The following DIMT1 variants were observed in gnomAD, a reference collection of about 807,000 sequenced individuals.
The protein encoded by DIMT1 is dimethyladenosine transferase.
Under a neutral mutation model 43.2 loss-of-function variants are expected in DIMT1, and 36 were observed. That is an observed-to-expected ratio of 0.83 (90% CI 0.64 to 1.10). The LOEUF is 1.10. DIMT1 is among the 50% of genes least tolerant of loss of function. DIMT1 has a pLI of 0.00. For missense variants in DIMT1, 341 were observed against 385.3 expected, an observed-to-expected ratio of 0.88 and a Z score of 0.96; for synonymous variants, 126 against 130.3, an observed-to-expected ratio of 0.97 and a Z score of 0.22.
chr5:62,403,235 AAACC>A, intron 2 of DIMT1, 34 bp downstream of exon 2: 1 of 1,580,444 alleles, frequency 6.3e-7, no homozygotes, highest in Non-Finnish European at 8.7e-7. Flanking sequence ...TAAAATTAAT[AAACC>A]AACAACTCTC....
At position 62,390,901 on chromosome 5, in the gene DIMT1, A is replaced by C. The variant is rs1360388407; in HGVS notation, c.874T>G (p.Ser292Ala). ...STGFSDKRAR[S>A]MDIDDFIRLL... ...CTGATGAAGTCATCTATGTCCATGG[A>C]ACGGGCCCGTTTGTCACTAAAACCT... The change falls in exon 11 of 12, where the codon TCC becomes GCC. Residue 292 changes from serine (S) to alanine (A), a missense_variant. Ser to Ala is a moderately conservative substitution (Grantham distance 99). Transcript: ENST00000199320. 1 of 1,611,920 alleles carries C rather than the reference A, an allele frequency of 6.2e-7. No homozygotes were observed. Among genetic ancestry groups the C allele is most frequent in the African/African-American group, 1.3e-5 (1 of 74,852 alleles).
chr5:62,400,246 T>G (rs1029426979), intron 3 of DIMT1, among the ~76,000 whole-genome samples: 1 of 152,094 alleles, frequency 6.6e-6, no homozygotes, highest in African/African-American at 2.4e-5. Flanking sequence ...TTATTTTTAT[T>G]AAAAAATAAT....
intron 3 of DIMT1, 91 bp from the exon 4 acceptor site, chr5:62,398,972 T>C: frequency 2.0e-6 from 2 of 1,011,120 alleles, no homozygotes; most frequent in Non-Finnish European, 1.5e-6. Context: ...ATGATTTATG[T>C]GACAAACTTC....
At chr5:62,403,380 TA>T (rs768226152) in intron 1 of DIMT1, 34 bp from the exon 2 acceptor site, 1 of 1,595,766 alleles carries the variant, frequency 6.3e-7, no homozygotes, top group Non-Finnish European at 8.6e-7. Context: ...TTAATTTTCC[TA>T]CTGAGATTAG....
intron 7 of DIMT1, 59 bp downstream of exon 7, chr5:62,394,425 T>TG: frequency 1.3e-6 from 2 of 1,582,668 alleles, no homozygotes; most frequent in Non-Finnish European, 1.7e-6. Flanking sequence ...CACTGCAGCC[T>TG]GGGTGACAGA....
At position 62,387,616 on chromosome 5, in the gene DIMT1, T is replaced by C. The variant is rs1001668736; in HGVS notation, c.*1394A>G. 6.6e-6 allele frequency: 1 copy of C among 152,072 alleles called. No homozygotes were observed. Among genetic ancestry groups the C allele is most frequent in the African/African-American group, 2.4e-5 (1 of 41,414 alleles). The allele number at this position is 152,072 out of a possible 1,614,324, so 9.4% of individuals were successfully genotyped here. On this transcript the variant is annotated 3_prime_UTR_variant, in exon 12 of 12. Coordinates refer to ENST00000199320, the MANE Select transcript of DIMT1 (RefSeq NM_014473.4). Reference sequence around the variant, plus strand: ...GAAAACTGAAGGCCAGAAAAGGAACTAAAACTCAGCAGTTCATAGGGGTAG... The same window carrying C: ...GAAAACTGAAGGCCAGAAAAGGAACCAAAACTCAGCAGTTCATAGGGGTAG...
chr5:62,394,052 T>C lies in DIMT1; in HGVS notation c.571-5A>G. On this transcript the variant is annotated splice_polypyrimidine_tract_variant and splice_region_variant and intron_variant, in intron 7 of 11. Transcript: ENST00000199320. ...TCTGAAGTTATTCTTTCCCACCTGTTAATGAAAAAGTATTTAAGTAGTACT... is the reference window on the plus strand; with the variant it reads ...TCTGAAGTTATTCTTTCCCACCTGTCAATGAAAAAGTATTTAAGTAGTACT... The C allele has an allele frequency of 6.2e-7, 1 of 1,610,074 alleles. No homozygotes were observed. The highest frequency in any genetic ancestry group is 8.5e-7 in the Non-Finnish European group (1 of 1,179,060).
At chr5:62,391,057 G>A (rs1236199857) in intron 10 of DIMT1, 75 bp from the exon 11 acceptor site, 5 of 1,233,028 alleles carry the variant, frequency 4.1e-6, no homozygotes, top group Non-Finnish European at 5.9e-6. Flanking sequence ...TTTTAGTTCA[G>A]TAAGTCATAA....
chr5:62,397,580 T>C (rs182581829), intron 6 of DIMT1, among the ~76,000 whole-genome samples: 44 of 152,340 alleles, frequency 2.9e-4, no homozygotes, highest in African/African-American at 1.0e-3. Context: ...TCTTCAACAT[T>C]GTCTCAGCCC....
chr5:62,391,748 A>G (rs1742311489), intron 10 of DIMT1: 2 of 1,351,348 alleles, frequency 1.5e-6, no homozygotes, highest in Admixed American at 3.4e-5. Flanking sequence ...CTTTATTTCA[A>G]TTTCTATACA....
At position 62,402,101 on chromosome 5, in the gene DIMT1, C is replaced by T; in HGVS notation, c.175G>A (p.Val59Ile). ...IDKAALRPTD[V>I]VLEVGPGTGN... is the part of the protein sequence containing the mutation. ...GTTCCAGGTCCAACTTCCAGCACTA[C>T]ATCAGTTGGTCTTAAGGCAGCCTAA... is the stretch of plus-strand genomic sequence containing the variant. Residue 59 changes from valine to isoleucine, a missense_variant, in exon 3 of 12, where the codon GTA becomes ATA. Val to Ile is a conservative substitution (Grantham distance 29). Coordinates refer to ENST00000199320, the MANE Select transcript of DIMT1 (RefSeq NM_014473.4). 6.2e-7 allele frequency: 1 copy of T among 1,613,986 alleles called. No homozygotes were observed. The highest frequency in any genetic ancestry group is 8.5e-7 in the Non-Finnish European group (1 of 1,179,932).
chr5:62,389,612 T>C (rs556952054), intron 11 of DIMT1, among the ~76,000 whole-genome samples: 1 of 152,186 alleles, frequency 6.6e-6, no homozygotes, highest in South Asian at 2.1e-4. Context: ...ACTAAAATTA[T>C]CTTAGACTTT....
At position 62,392,166 on chromosome 5, in the gene DIMT1, C is replaced by CT. The variant is rs1742327344; in HGVS notation, c.792+4dup. The CT allele has an allele frequency of 6.2e-7, 1 of 1,611,898 alleles. No homozygotes were observed. Among genetic ancestry groups the CT allele is most frequent in the Non-Finnish European group, 8.5e-7 (1 of 1,179,150 alleles). On this transcript the variant is annotated splice_donor_region_variant and intron_variant, in intron 10 of 11. Coordinates refer to ENST00000199320, the MANE Select transcript of DIMT1 (RefSeq NM_014473.4). Reference sequence around the variant, plus strand: ...ATGAAACTGCAGGAACATTTTCTAACTTACAATATTATGGACTGAACAGTG... The same window carrying CT: ...ATGAAACTGCAGGAACATTTTCTAACTTTACAATATTATGGACTGAACAGTG...
chr5:62,390,978 A>G lies in DIMT1; in HGVS notation c.797T>C (p.Ile266Thr), dbSNP rs1257850050. 1 of 1,612,106 alleles carries G rather than the reference A, an allele frequency of 6.2e-7. No individual in the cohort carries two copies. The highest frequency in any genetic ancestry group is 2.2e-5 in the East Asian group (1 of 44,874). Residue 266 changes from isoleucine to threonine, a missense_variant, in exon 11 of 12, where the codon ATA (isoleucine) becomes ACA (threonine). Coordinates refer to ENST00000199320, the MANE Select transcript of DIMT1 (RefSeq NM_014473.4). ...ATCTGCTATGCTGAAATCTTCTGGT[A>G]TTATCTATCAATATAAGATTCAGAA... ...RIHCSVHNII[I>T]PEDFSIADKI...
rs1258697731 is a variant in DIMT1 at position 62,403,904 on chromosome 5, A to C, written c.-132T>G. The C allele has an allele frequency of 2.2e-6, 2 of 917,466 alleles. No homozygotes were observed. Among genetic ancestry groups the C allele is most frequent in the Non-Finnish European group, 1.6e-6 (1 of 615,134 alleles). 56.8% of individuals were successfully genotyped at this position (917,466 alleles called of 1,614,324 possible). A position where few individuals can be genotyped will look rare whatever the true frequency, so the allele number is the denominator to read the frequency against. ...CTCTGGCCCAAGCGCCGGAGGGGCAAGGGTCCGCCCCCTCCCGTACGCTCT... is the reference window on the plus strand; with the variant it reads ...CTCTGGCCCAAGCGCCGGAGGGGCACGGGTCCGCCCCCTCCCGTACGCTCT... On this transcript the variant is annotated 5_prime_UTR_variant, in exon 1 of 12. Transcript: ENST00000199320.
chr5:62,401,989 T>C, intron 3 of DIMT1, 47 bp downstream of exon 3: 1 of 1,567,828 alleles, frequency 6.4e-7, no homozygotes, highest in Non-Finnish European at 8.8e-7. Flanking sequence ...CAACTGAGCT[T>C]GCTAACATAG....
intron 9 of DIMT1, 106 bp downstream of exon 9, chr5:62,392,820 C>G (rs1561289199): frequency 1.5e-6 from 1 of 660,950 alleles, no homozygotes; most frequent in Non-Finnish European, 2.6e-6. Flanking sequence ...TTGTCTGGAC[C>G]CATAATCTTT....
intron 6 of DIMT1, among the ~76,000 whole-genome samples, chr5:62,398,205 C>G (rs1444224013): frequency 6.6e-6 from 1 of 152,066 alleles, no homozygotes; most frequent in Non-Finnish European, 1.5e-5. Context: ...ACCTCTTATA[C>G]TAGAGACCAG....
At position 62,403,788 on chromosome 5, in the gene DIMT1, G is replaced by GC. The variant is rs769226929; in HGVS notation, c.-17dup. 6.2e-7 allele frequency: 1 copy of GC among 1,608,788 alleles called. No homozygotes were observed. Among genetic ancestry groups the GC allele is most frequent in the Admixed American group, 1.7e-5 (1 of 59,548 alleles). On this transcript the variant is annotated 5_prime_UTR_variant, in exon 1 of 12. Transcript: ENST00000199320. ...CCTTCGGCATCTCGGCAGAAAGCGG[G>GC]CCCACAGGCCCGGGACGTCAAGGAG... is the stretch of plus-strand genomic sequence containing the variant.
Sources: allele counts gnomAD v4.1 joint callset (sites outside exome capture counted in the v4.1 genomes callset), GRCh38; gene constraint gnomAD v4.1.1; transcripts MANE v1.5; gene names NCBI Gene and HGNC (gene_info 2026-07-23, HGNC 2026-07-21).